Variants in IGSF11 observed in about 807,000 individuals in gnomAD.
IGSF11 encodes the protein CXADR like 1.
IGSF11 carries 22 observed loss-of-function variants against 41.0 expected under a neutral mutation model. That is an observed-to-expected ratio of 0.54 (90% confidence interval 0.38 to 0.77). IGSF11 has a LOEUF of 0.77. IGSF11 is among the 30% of genes least tolerant of loss of function. The probability of loss-of-function intolerance (pLI) is 0.00; values close to 1 mark genes in which losing one functional copy is unlikely to be tolerated. For synonymous variants in IGSF11, 219 were observed against 201.3 expected (o/e 1.09, Z -0.74); for missense variants, 444 against 530.8 (o/e 0.84, Z 1.61).
intron 1 of IGSF11, among the ~76,000 whole-genome samples, chr3:119,059,700 A>G (rs1941993408): frequency 1.3e-5 from 2 of 152,082 alleles, no homozygotes; most frequent in South Asian, 4.1e-4. Context: ...CTAAGCATCA[A>G]GACCTTCTTC....
intron 1 of IGSF11, among the ~76,000 whole-genome samples, chr3:118,938,876 C>G (rs921779848): frequency 2.6e-5 from 4 of 152,170 alleles, no homozygotes; most frequent in African/African-American, 9.7e-5. Context: ...GGCGTGCTGA[C>G]TCATCAAGAA....
intron 1 of IGSF11, among the ~76,000 whole-genome samples, chr3:119,065,484 G>A (rs1040009192): frequency 3.3e-5 from 5 of 151,766 alleles, no homozygotes; most frequent in South Asian, 4.2e-4. Flanking sequence ...TCAAAATTAC[G>A]CTGGCCTCAC....
At chr3:118,966,386 C>T (rs761488883) in intron 1 of IGSF11, among the ~76,000 whole-genome samples, 35 of 151,966 alleles carry the variant, frequency 2.3e-4, no homozygotes, top group Admixed American at 1.5e-3. Flanking sequence ...GTTAAAAGGC[C>T]CCTGGCTCCA....
At chr3:119,011,905 T>G (rs1183894903) in intron 1 of IGSF11, among the ~76,000 whole-genome samples, 2 of 152,124 alleles carry the variant, frequency 1.3e-5, no homozygotes, top group African/African-American at 4.8e-5. Flanking sequence ...TCTGATTCAT[T>G]CTCAAAGAAA....
chr3:118,973,018 A>G (rs1295944561), intron 1 of IGSF11, among the ~76,000 whole-genome samples: 1 of 152,062 alleles, frequency 6.6e-6, no homozygotes, highest in Non-Finnish European at 1.5e-5. Context: ...ATGGATATCA[A>G]TTTCCTCTAT....
chr3:119,043,094 G>A (rs566704515), intron 1 of IGSF11, among the ~76,000 whole-genome samples: 6 of 152,264 alleles, frequency 3.9e-5, no homozygotes, highest in South Asian at 2.1e-4. Context: ...AGCGACTAGC[G>A]TTCAGCTTGA....
At chr3:118,993,668 C>T (rs1936002181) in intron 1 of IGSF11, among the ~76,000 whole-genome samples, 1 of 152,090 alleles carries the variant, frequency 6.6e-6, no homozygotes, top group Admixed American at 6.6e-5. Flanking sequence ...TAATATTATT[C>T]AGCAATAAAA....
intron 1 of IGSF11, among the ~76,000 whole-genome samples, chr3:119,081,222 ATTT>A (rs1277381927): frequency 6.6e-6 from 1 of 151,468 alleles, no homozygotes; most frequent in African/African-American, 2.4e-5. Flanking sequence ...TCTTTTGCTC[ATTT>A]TTATTCTCCT....
chr3:119,142,634 G>A (rs1178034852), intron 1 of IGSF11, among the ~76,000 whole-genome samples: 20 of 151,988 alleles, frequency 1.3e-4, no homozygotes, highest in African/African-American at 4.8e-4. Flanking sequence ...CTTATGCATG[G>A]TGGGAGCTCC....
intron 1 of IGSF11, among the ~76,000 whole-genome samples, chr3:118,935,792 G>A (rs1033911716): frequency 1.3e-5 from 2 of 151,982 alleles, no homozygotes; most frequent in Non-Finnish European, 2.9e-5. Context: ...TATCTCACTG[G>A]CCATCAGGGA....
At chr3:118,980,595 T>C (rs1333771730) in intron 1 of IGSF11, among the ~76,000 whole-genome samples, 1 of 152,164 alleles carries the variant, frequency 6.6e-6, no homozygotes, top group East Asian at 1.9e-4. Flanking sequence ...ATACAAGGAA[T>C]ATGTTCGAAT....
intron 1 of IGSF11, among the ~76,000 whole-genome samples, chr3:119,014,701 A>AT (rs551729737): frequency 5.8e-4 from 89 of 152,342 alleles, no homozygotes; most frequent in African/African-American, 2.0e-3. Flanking sequence ...ACCTCTCTAG[A>AT]TTTTTTTATT....
At chr3:119,077,765 T>C (rs2076524873) in intron 1 of IGSF11, among the ~76,000 whole-genome samples, 1 of 152,322 alleles carries the variant, frequency 6.6e-6, no homozygotes, top group Middle Eastern at 3.4e-3. Flanking sequence ...GATGTGATTC[T>C]ATACCTAGAA....
chr3:118,926,300 A>G (rs368688294), intron 3 of IGSF11, 44 bp from the exon 4 acceptor site: 29 of 1,468,918 alleles, frequency 2.0e-5, no homozygotes, highest in Non-Finnish European at 2.6e-5. Flanking sequence ...TTTTACTGTG[A>G]GCCATGTGAT....
intron 1 of IGSF11, among the ~76,000 whole-genome samples, chr3:119,050,965 G>A (rs1276976113): frequency 6.9e-6 from 1 of 144,618 alleles, no homozygotes; most frequent in Non-Finnish European, 1.5e-5. Context: ...ATGGACACAG[G>A]AAGGGGAACA....
chr3:119,043,516 T>A (rs80042025), intron 1 of IGSF11, among the ~76,000 whole-genome samples: 6,543 of 152,174 alleles, frequency 0.043, 272 homozygotes, highest in Admixed American at 0.14. Context: ...AACAACTGAT[T>A]CCATTGCCGG....
intron 1 of IGSF11, among the ~76,000 whole-genome samples, chr3:119,016,754 T>C (rs1006470025): frequency 2.0e-5 from 3 of 152,066 alleles, no homozygotes; most frequent in African/African-American, 7.2e-5. Flanking sequence ...TAACATTATC[T>C]CCCACCCTCC....
chr3:119,050,550 A>C (rs1265337802), intron 1 of IGSF11, among the ~76,000 whole-genome samples: 2 of 151,664 alleles, frequency 1.3e-5, no homozygotes, highest in African/African-American at 4.8e-5. Context: ...TGTTAGTGGG[A>C]CTGTAAAGTA....
intron 1 of IGSF11, among the ~76,000 whole-genome samples, chr3:119,020,917 T>A (rs532327393): frequency 1.3e-5 from 2 of 152,346 alleles, no homozygotes; most frequent in Non-Finnish European, 2.9e-5. Context: ...TGTAGTTATG[T>A]AAGTATAAAG....
Sources: gnomAD v4.1 joint callset for allele counts (sites outside exome capture counted in the v4.1 genomes callset) on GRCh38, gnomAD v4.1.1 for gene constraint, MANE v1.5 for transcripts, NCBI Gene and HGNC (gene_info 2026-07-23, HGNC 2026-07-21) for gene names.